The following CCDC91 variants were observed in gnomAD, a reference collection of about 807,000 sequenced individuals.
CCDC91 encodes coiled-coil domain-containing protein 91.
A neutral mutation model predicts 63.2 loss-of-function variants in CCDC91; 48 were observed. The ratio of observed to expected loss-of-function variants is 0.76; its 90% CI spans 0.60 to 0.97. The LOEUF (loss-of-function observed/expected upper bound fraction) is 0.97, where lower values mean the gene tolerates loss of function less well. Among genes scored for constraint, CCDC91 ranks in the 50% least tolerant of loss-of-function variants. The pLI is 0.00. For synonymous variants in CCDC91, 167 were observed against 165.8 expected, an observed-to-expected ratio of 1.01 and a Z score of -0.06; for missense variants, 500 against 494.6, an observed-to-expected ratio of 1.01 and a Z score of -0.10.
At chr12:28,476,017 T>C (rs1165024729) in intron 11 of CCDC91, among the ~76,000 whole-genome samples, 5 of 151,918 alleles carry the variant, frequency 3.3e-5, no homozygotes, top group African/African-American at 9.7e-5. Flanking sequence ...GTATTTTGGT[T>C]AAAAAAACTG....
intron 8 of CCDC91, among the ~76,000 whole-genome samples, chr12:28,438,432 A>G (rs1214415154): frequency 6.6e-6 from 1 of 152,146 alleles, no homozygotes; most frequent in East Asian, 1.9e-4. Context: ...TACAGAACCT[A>G]ACCTGCTGGT....
At chr12:28,478,777 A>T (rs932514456) in intron 11 of CCDC91, among the ~76,000 whole-genome samples, 2 of 152,158 alleles carry the variant, frequency 1.3e-5, no homozygotes, top group African/African-American at 4.8e-5. Context: ...AGAAAATCAA[A>T]CAACCCCATC....
Position 28,362,453 on chromosome 12 carries a change from G to C in CCDC91, c.592G>C (p.Glu198Gln). The C allele has an allele frequency of 1.3e-6, 2 of 1,588,222 alleles. No homozygotes were observed. Among genetic ancestry groups the C allele is most frequent in the Non-Finnish European group, 1.7e-6 (2 of 1,166,456 alleles). ...TTTCTTTCAGGAAAAACATAAACAAGAATTGGAAGACATGAGGAAAGCTGG... is the reference window on the plus strand; with the variant it reads ...TTTCTTTCAGGAAAAACATAAACAACAATTGGAAGACATGAGGAAAGCTGG... ...YKELQEKHKQELEDMRKAGHE... is the reference protein window; with the variant it reads ...YKELQEKHKQQLEDMRKAGHE... The change falls in exon 7 of 13, where the codon GAA (glutamate) becomes CAA (glutamine). Residue 198 changes from glutamate (E) to glutamine (Q), a missense_variant. By Grantham distance (29) the Glu-to-Gln change is conservative. Coordinates refer to ENST00000536442, the MANE Select transcript of CCDC91 (RefSeq NM_018318.5).
chr12:28,304,576 T>C, intron 3 of CCDC91: 1 of 632,304 alleles, frequency 1.6e-6, no homozygotes, highest in Non-Finnish European at 2.4e-6. Flanking sequence ...CAAATTGATG[T>C]ATTTGTTATT....
At chr12:28,493,605 A>G (rs1952126351) in intron 12 of CCDC91, among the ~76,000 whole-genome samples, 1 of 151,750 alleles carries the variant, frequency 6.6e-6, no homozygotes, top group Non-Finnish European at 1.5e-5. Context: ...AAACAAGAAA[A>G]CTTAATAAAC....
rs566828534 is a variant in CCDC91 at position 28,304,611 on chromosome 12, A to G, written c.110-1038A>G. The G allele has an allele frequency of 2.5e-4, 301 of 1,205,586 alleles. 1 individual carries two copies. In the South Asian group the frequency reaches 4.0e-3, roughly 16 times the overall value. The allele number at this position is 1,205,586 out of a possible 1,614,324, so 74.7% of individuals were successfully genotyped here. On this transcript the variant is annotated intron_variant, in intron 3 of 12. Transcript: ENST00000536442. ...TTTGTTTATATCTAATGGCCTTATA[A>G]ATGTCTTTCTTCAGGGAAACATGCA...
intron 11 of CCDC91, among the ~76,000 whole-genome samples, chr12:28,475,711 C>A (rs1158138409): frequency 6.6e-6 from 1 of 151,878 alleles, no homozygotes; most frequent in African/African-American, 2.4e-5. Context: ...TGTTATGATG[C>A]AGTAAGAAAG....
intron 1 of CCDC91, among the ~76,000 whole-genome samples, chr12:28,245,284 G>A (rs1945654250): frequency 6.6e-6 from 1 of 151,900 alleles, no homozygotes; most frequent in Admixed American, 6.6e-5. Flanking sequence ...AGAAGTTATT[G>A]TATAATAAAT....
At chr12:28,386,231 G>GT (rs1300212990) in intron 7 of CCDC91, among the ~76,000 whole-genome samples, 1 of 152,068 alleles carries the variant, frequency 6.6e-6, no homozygotes, top group Non-Finnish European at 1.5e-5. Flanking sequence ...TGTAATATCA[G>GT]TTTTCACACA....
chr12:28,237,431 T>C (rs1945034916), intron 1 of CCDC91, among the ~76,000 whole-genome samples: 1 of 152,152 alleles, frequency 6.6e-6, no homozygotes, highest in Admixed American at 6.6e-5. Flanking sequence ...GGGTCCTAAA[T>C]ACTATCACAA....
chr12:28,233,128 G>T (rs949168744), intron 1 of CCDC91, among the ~76,000 whole-genome samples: 1 of 151,904 alleles, frequency 6.6e-6, no homozygotes, highest in African/African-American at 2.4e-5. Context: ...GATAGAGGGT[G>T]TATCGTGTGC....
intron 8 of CCDC91, among the ~76,000 whole-genome samples, chr12:28,397,467 T>C (rs1272496546): frequency 6.6e-6 from 1 of 151,874 alleles, no homozygotes; most frequent in Admixed American, 6.6e-5. Context: ...CTCATTTAAA[T>C]GTATGGGCGA....
At chr12:28,204,587 G>A (rs1942704932) in intron 1 of CCDC91, among the ~76,000 whole-genome samples, 1 of 152,004 alleles carries the variant, frequency 6.6e-6, no homozygotes, top group South Asian at 2.1e-4. Context: ...GCATTTTTTT[G>A]TGAGGGAAAG....
chr12:28,392,357 T>A (rs1362289370), intron 8 of CCDC91, among the ~76,000 whole-genome samples: 1 of 152,200 alleles, frequency 6.6e-6, no homozygotes, highest in African/African-American at 2.4e-5. Context: ...ATTTTACTCA[T>A]GCTACATACT....
At chr12:28,421,073 A>G (rs1323905081) in intron 8 of CCDC91, among the ~76,000 whole-genome samples, 1 of 151,918 alleles carries the variant, frequency 6.6e-6, no homozygotes, top group East Asian at 1.9e-4. Context: ...TCTTCATCTT[A>G]TTGTTCATGT....
At chr12:28,206,247 T>G (rs1942842285) in intron 1 of CCDC91, among the ~76,000 whole-genome samples, 2 of 152,164 alleles carry the variant, frequency 1.3e-5, no homozygotes, top group South Asian at 4.1e-4. Context: ...ATTCCACCTT[T>G]TTGGTCAGGT....
intron 12 of CCDC91, among the ~76,000 whole-genome samples, chr12:28,496,300 T>G (rs1047608633): frequency 1.3e-5 from 2 of 151,672 alleles, no homozygotes; most frequent in Non-Finnish European, 3.0e-5. Context: ...CCCCCAAATT[T>G]GGATACTTCT....
intron 1 of CCDC91, among the ~76,000 whole-genome samples, chr12:28,214,581 TTGTG>T (rs58203446): frequency 7.3e-5 from 11 of 151,610 alleles, no homozygotes; most frequent in East Asian, 1.9e-4. Flanking sequence ...TTTGTTATGT[TTGTG>T]TGTGTGTGTG....
chr12:28,435,528 GA>G (rs1565968392), intron 8 of CCDC91, among the ~76,000 whole-genome samples: 1 of 151,762 alleles, frequency 6.6e-6, no homozygotes, highest in Non-Finnish European at 1.5e-5. Flanking sequence ...TTATGGCTTA[GA>G]ATGTGGTCTA....
Sources: allele counts gnomAD v4.1 joint callset (sites outside exome capture counted in the v4.1 genomes callset), GRCh38; gene constraint gnomAD v4.1.1; transcripts MANE v1.5; gene names NCBI Gene and HGNC (gene_info 2026-07-23, HGNC 2026-07-21).